The following ZSCAN5C variants were observed in gnomAD, a reference collection of about 807,000 sequenced individuals.
The protein encoded by ZSCAN5C is zinc finger and SCAN domain containing 5C, also known as zinc finger and SCAN domain-containing protein 5C.
In ZSCAN5C, 11 loss-of-function variants were observed where a neutral mutation model predicts 17.3. That is an observed-to-expected ratio of 0.64 (90% confidence interval 0.40 to 1.06). The LOEUF is 1.06. Ranked by LOEUF, ZSCAN5C falls within the 50% of genes least tolerant of loss-of-function variation. The pLI, the probability that ZSCAN5C is intolerant of heterozygous loss-of-function variation, is 0.00. For synonymous variants in ZSCAN5C, 229 were observed against 208.4 expected, an observed-to-expected ratio of 1.10 and a Z score of -0.85; for missense variants, 698 against 538.9, an observed-to-expected ratio of 1.30 and a Z score of -2.92.
chr19:56,203,038 C>T (rs1237670199), intron 1 of ZSCAN5C, among the ~76,000 whole-genome samples: 22 of 151,972 alleles, frequency 1.4e-4, no homozygotes, highest in Non-Finnish European at 2.6e-4. Flanking sequence ...TTTATTTTTT[C>T]CCATGTCCCA....
intron 1 of ZSCAN5C, among the ~76,000 whole-genome samples, chr19:56,202,873 G>C (rs1438077337): frequency 1.3e-5 from 2 of 151,950 alleles, no homozygotes; most frequent in Admixed American, 1.3e-4. Context: ...TTGTTAAAAA[G>C]CATCGCTGGA....
chr19:56,203,286 A>C (rs1038724679), intron 1 of ZSCAN5C, among the ~76,000 whole-genome samples: 1 of 126,756 alleles, frequency 7.9e-6, no homozygotes, highest in African/African-American at 4.4e-5. Flanking sequence ...TGCTTTTTCA[A>C]AAAAAAAAAT....
At chr19:56,206,969 A>G (rs1323076714) in intron 2 of ZSCAN5C, 90 bp from the exon 3 acceptor site, 4 of 635,464 alleles carry the variant, frequency 6.3e-6, no homozygotes, top group East Asian at 5.5e-5. Flanking sequence ...TAATTACAGT[A>G]AAGTGTGAGC....
At chr19:56,203,120 T>C (rs1425860508) in intron 1 of ZSCAN5C, among the ~76,000 whole-genome samples, 1 of 151,956 alleles carries the variant, frequency 6.6e-6, no homozygotes, top group Non-Finnish European at 1.5e-5. Context: ...CCCCTTTTTT[T>C]AGAGACAGGC....
intron 2 of ZSCAN5C, 91 bp downstream of exon 2, chr19:56,206,388 C>T (rs576939462): frequency 1.4e-5 from 20 of 1,439,560 alleles, no homozygotes; most frequent in Non-Finnish European, 5.6e-6. Flanking sequence ...CGAGGGGCTG[C>T]TCTAGGTCAG....
At chr19:56,203,172 G>A (rs1020550622) in intron 1 of ZSCAN5C, among the ~76,000 whole-genome samples, 2 of 151,800 alleles carry the variant, frequency 1.3e-5, no homozygotes, top group South Asian at 2.1e-4. Flanking sequence ...TCCTGGGCTC[G>A]AGGGATCCTC....
chr19:56,208,173 C>G (rs755958567), exon 4 of ZSCAN5C: 1 of 779,416 alleles, frequency 1.3e-6, no homozygotes, highest in Non-Finnish European at 2.4e-6. Context: ...CCTCAGCTTC[C>G]AAACAGTCCC....
intron 2 of ZSCAN5C, among the ~76,000 whole-genome samples, chr19:56,206,849 C>T (rs2032926808): frequency 6.6e-6 from 1 of 151,836 alleles, no homozygotes; most frequent in Admixed American, 6.6e-5. Flanking sequence ...CCTCTTTTCT[C>T]TTTGGTTTAG....
rs1031297287 is a variant in ZSCAN5C at position 56,207,668 on chromosome 19, C to A, written c.589-366C>A. On this transcript the variant is annotated intron_variant, in intron 3 of 4. Coordinates refer to ENST00000534327, the Ensembl canonical transcript of ZSCAN5C. ...CTCAACTGGGGTGATTCTGCCTTTC[C>A]GGACACATGGCCATGTCTAGAGACA... Among the ~76,000 whole-genome samples, 58 of 151,804 alleles carry A rather than the reference C, an allele frequency of 3.8e-4. 1 individual carries two copies. Among genetic ancestry groups the A allele is most frequent in the South Asian group, 6.3e-4 (3 of 4,798 alleles).
At chr19:56,202,919 G>A (rs1416128027) in intron 1 of ZSCAN5C, among the ~76,000 whole-genome samples, 2 of 151,972 alleles carry the variant, frequency 1.3e-5, no homozygotes, top group African/African-American at 4.9e-5. Flanking sequence ...AGCCATTGAT[G>A]AATGGGCATC....
Position 56,207,911 on chromosome 19 carries a change from A to C in ZSCAN5C, c.589-123A>C, listed in dbSNP as rs574506915. The C allele has an allele frequency of 4.9e-6, 3 of 612,136 alleles. No homozygotes were observed. The African/African-American group carries it at 5.6e-5, about 11-fold the overall frequency. 37.9% of individuals were successfully genotyped at this position (612,136 alleles called of 1,614,324 possible). A position where few individuals can be genotyped will look rare whatever the true frequency, so the allele number is the denominator to read the frequency against. ...CGGGGAGAAATATGCCCAGAGAACC[A>C]AACAGTGAAAACCACCACACCTGTG... On this transcript the variant is annotated intron_variant, in intron 3 of 4. Transcript: ENST00000534327.
At chr19:56,204,250 C>A (rs9916981) in intron 1 of ZSCAN5C, among the ~76,000 whole-genome samples, 49,044 of 138,720 alleles carry the variant, frequency 0.35, 6,526 homozygotes, top group Middle Eastern at 0.5. Context: ...GGATTGCCGG[C>A]TCATGCAGTT....
intron 2 of ZSCAN5C, 103 bp downstream of exon 2, chr19:56,206,400 G>A (rs74597616): frequency 0.052 from 73,114 of 1,410,304 alleles, 2,216 homozygotes; most frequent in East Asian, 0.21. Context: ...CTAGGTCAGG[G>A]CTTCCAAGTA....
chr19:56,202,455 T>C (rs1449282224), intron 1 of ZSCAN5C, 133 bp downstream of exon 1: 3 of 151,972 alleles, frequency 2.0e-5, no homozygotes, highest in Admixed American at 2.0e-4. Flanking sequence ...GATTTGGGTT[T>C]ATTTTTTCAT....
chr19:56,206,159 G>A (rs777402999), exon 2 of ZSCAN5C: 28 of 1,603,954 alleles, frequency 1.7e-5, no homozygotes, highest in Non-Finnish European at 2.3e-5. Context: ...CCAAAGAGCA[G>A]ATCCTGGACA....
intron 1 of ZSCAN5C, among the ~76,000 whole-genome samples, chr19:56,202,980 C>T (rs1314427796): frequency 6.6e-6 from 1 of 152,038 alleles, no homozygotes; most frequent in Non-Finnish European, 1.5e-5. Context: ...CCTGGGGGTC[C>T]TGTGTGCTGT....
chr19:56,209,081 C>A (rs781606654), exon 5 of ZSCAN5C: 4 of 1,597,124 alleles, frequency 2.5e-6, no homozygotes, highest in Non-Finnish European at 3.4e-6. Flanking sequence ...TCTGAAGGAG[C>A]ACCAGCGCAT....
intron 2 of ZSCAN5C, among the ~76,000 whole-genome samples, chr19:56,206,528 G>T (rs2032923621): frequency 1.3e-5 from 2 of 151,962 alleles, no homozygotes; most frequent in Non-Finnish European, 2.9e-5. Context: ...AACCCATCAT[G>T]ACAAATAATC....
At chr19:56,203,212 G>A (rs879591050) in intron 1 of ZSCAN5C, among the ~76,000 whole-genome samples, 95 of 151,744 alleles carry the variant, frequency 6.3e-4, no homozygotes, top group Non-Finnish European at 4.1e-4. Context: ...AGCAGCAGGT[G>A]CCCTGTGGCA....
Sources: gnomAD v4.1 joint callset for allele counts (sites outside exome capture counted in the v4.1 genomes callset) on GRCh38, gnomAD v4.1.1 for gene constraint, MANE v1.5 for transcripts, NCBI Gene and HGNC (gene_info 2026-07-23, HGNC 2026-07-21) for gene names.